CDCA7L: variants seen among roughly 807,000 people sequenced by gnomAD.
The protein encoded by CDCA7L is cell division cycle-associated 7-like protein.
Under a neutral mutation model 57.4 loss-of-function variants are expected in CDCA7L, and 44 were observed. The ratio of observed to expected loss-of-function variants is 0.77; its 90% CI spans 0.60 to 0.98. CDCA7L has a LOEUF of 0.98. Among genes scored for constraint, CDCA7L ranks in the 50% least tolerant of loss-of-function variants. CDCA7L has a pLI of 0.00. For synonymous variants in CDCA7L, 236 were observed against 202.8 expected (o/e 1.16, Z -1.39); for missense variants, 644 against 580.6 (o/e 1.11, Z -1.12).
Position 21,901,379 on chromosome 7 carries a change from C to T in CDCA7L, c.*943G>A, listed in dbSNP as rs188115808. On this transcript the variant is annotated 3_prime_UTR_variant, in exon 10 of 10. Transcript: ENST00000406877. ...ACTCACACGTGCATTCTTTTTTCAA[C>T]GCTATCCTTAGAGTGAAAGTCAGAA... 1.1e-3 allele frequency: 1,492 copies of T among 1,303,186 alleles called. 9 individuals carry two copies. In the African/African-American group the frequency reaches 0.013, roughly 12 times the overall value. The allele number at this position is 1,303,186 out of a possible 1,614,324, so 80.7% of individuals were successfully genotyped here.
rs138945257 is a variant in CDCA7L at position 21,901,049 on chromosome 7, G to C, written c.*1273C>G. On this transcript the variant is annotated 3_prime_UTR_variant, in exon 10 of 10. Coordinates refer to ENST00000406877, the MANE Select transcript of CDCA7L (RefSeq NM_018719.5). The stretch of plus-strand genomic sequence containing the variant: ...CAAGCAGGAACCATTGTTGAAGCCC[G>C]TCTCAAGGAGCTGGCATGCCCTATG... The C allele has an allele frequency of 1.3e-5, 21 of 1,613,042 alleles. No individual in the cohort carries two copies. Among genetic ancestry groups the C allele is most frequent in the Non-Finnish European group, 1.7e-5 (20 of 1,179,514 alleles).
intron 1 of CDCA7L, among the ~76,000 whole-genome samples, chr7:21,922,058 T>G (rs186187839): frequency 5.9e-5 from 9 of 152,318 alleles, no homozygotes; most frequent in African/African-American, 1.2e-4. Context: ...TTTACATGCA[T>G]CTGACTTTGT....
At chr7:21,926,799 C>T (rs10950883) in intron 1 of CDCA7L, among the ~76,000 whole-genome samples, 4 of 151,984 alleles carry the variant, frequency 2.6e-5, no homozygotes, top group Non-Finnish European at 4.4e-5. Context: ...CTTAAGCCTG[C>T]GAGTTTGAGG....
intron 1 of CDCA7L, among the ~76,000 whole-genome samples, chr7:21,935,391 C>T (rs1786131095): frequency 6.6e-6 from 1 of 151,940 alleles, no homozygotes; most frequent in South Asian, 2.1e-4. Context: ...GCAAAAGGCA[C>T]TGCTAAGAGG....
Position 21,901,628 on chromosome 7 carries a change from C to CCGGAAAGAACGGAGATTT in CDCA7L, c.*676_*693dup, listed in dbSNP as rs1784865028. ...ATGTGAACATGCAAAAGCAATGCAG[C>CCGGAAAGAACGGAGATTT]CGGAAAGAACGGAGATTTTAATTTT... is the stretch of plus-strand genomic sequence containing the variant. On this transcript the variant is annotated 3_prime_UTR_variant, in exon 10 of 10. Coordinates refer to ENST00000406877, the MANE Select transcript of CDCA7L (RefSeq NM_018719.5). 6.2e-6 allele frequency: 1 copy of CCGGAAAGAACGGAGATTT among 160,432 alleles called. No homozygotes were observed. The highest frequency in any genetic ancestry group is 2.0e-4 in the South Asian group (1 of 5,008). 9.9% of individuals were successfully genotyped at this position (160,432 alleles called of 1,614,324 possible).
intron 1 of CDCA7L, 152 bp downstream of exon 1, chr7:21,945,629 C>A (rs1786501356): frequency 4.4e-6 from 4 of 908,662 alleles, no homozygotes; most frequent in Non-Finnish European, 5.0e-6. Context: ...CTGCAGGGCG[C>A]GCCCACTCCG....
chr7:21,916,057 T>C (rs901495275), intron 2 of CDCA7L, among the ~76,000 whole-genome samples: 2 of 152,092 alleles, frequency 1.3e-5, no homozygotes, highest in Non-Finnish European at 2.9e-5. Context: ...TACATATAAT[T>C]AACTGCTTCC....
intron 8 of CDCA7L, among the ~76,000 whole-genome samples, chr7:21,903,356 C>G (rs139776369): frequency 4.8e-4 from 73 of 152,284 alleles, no homozygotes; most frequent in African/African-American, 1.7e-3. Context: ...GAGATTTTCA[C>G]AAGCATTTGG....
intron 1 of CDCA7L, among the ~76,000 whole-genome samples, chr7:21,942,654 C>A (rs1206024850): frequency 6.6e-6 from 1 of 152,032 alleles, no homozygotes; most frequent in Non-Finnish European, 1.5e-5. Context: ...TGTTTTAGGC[C>A]ACAATTATCT....
chr7:21,904,968 T>C (rs776812530), intron 7 of CDCA7L, among the ~76,000 whole-genome samples: 7 of 152,200 alleles, frequency 4.6e-5, no homozygotes, highest in Non-Finnish European at 8.8e-5. Context: ...AGCCTAGCTC[T>C]GCAGACCTGG....
intron 1 of CDCA7L, 42 bp downstream of exon 1, chr7:21,945,739 C>T (rs1786504573): frequency 1.2e-6 from 2 of 1,601,020 alleles, no homozygotes; most frequent in Admixed American, 1.7e-5. Flanking sequence ...GGAAGTCAAA[C>T]TGTGGGTGCG....
chr7:21,915,129 G>C (rs1249227567), intron 2 of CDCA7L, among the ~76,000 whole-genome samples: 1 of 152,118 alleles, frequency 6.6e-6, no homozygotes, highest in East Asian at 1.9e-4. Flanking sequence ...GGCTACGGCA[G>C]CTGCAGAGGG....
At chr7:21,943,713 T>G (rs1459393460) in intron 1 of CDCA7L, among the ~76,000 whole-genome samples, 2 of 151,548 alleles carry the variant, frequency 1.3e-5, no homozygotes, top group Admixed American at 6.6e-5. Context: ...CACTGCCAAT[T>G]AGGTCTTCAG....
chr7:21,902,217 C>CTGTATAAAAACACAACT lies in CDCA7L; in HGVS notation c.*88_*104dup. 1 of 1,031,080 alleles carries CTGTATAAAAACACAACT rather than the reference C, an allele frequency of 9.7e-7. No homozygotes were observed. Among genetic ancestry groups the CTGTATAAAAACACAACT allele is most frequent in the Non-Finnish European group, 1.5e-6 (1 of 668,278 alleles). The allele number at this position is 1,031,080 out of a possible 1,614,324, so 63.9% of individuals were successfully genotyped here. A position where few individuals can be genotyped will look rare whatever the true frequency, so the allele number is the denominator to read the frequency against. ...AAATAGTAATTTCTACAAAGAATTT[C>CTGTATAAAAACACAACT]TGTATAAAAACACAACTGTAAAAAA... On this transcript the variant is annotated 3_prime_UTR_variant, in exon 10 of 10. Coordinates refer to ENST00000406877, the MANE Select transcript of CDCA7L (RefSeq NM_018719.5).
chr7:21,908,535 CAA>C (rs1428405681), intron 3 of CDCA7L, 28 bp from the exon 4 acceptor site: 2 of 1,494,872 alleles, frequency 1.3e-6, no homozygotes, highest in Non-Finnish European at 8.9e-7. Flanking sequence ...AGAAAAAGCA[CAA>C]AGACACTGTT....
intron 1 of CDCA7L, among the ~76,000 whole-genome samples, chr7:21,926,296 CTG>C (rs965436547): frequency 1.2e-4 from 18 of 152,186 alleles, no homozygotes; most frequent in African/African-American, 4.3e-4. Context: ...AAATAATAAA[CTG>C]GAATTCATCA....
chr7:21,902,353 C>T lies in CDCA7L; in HGVS notation c.1335-1G>A. On this transcript the variant is annotated splice_acceptor_variant, in intron 9 of 9. Coordinates refer to ENST00000406877, the MANE Select transcript of CDCA7L (RefSeq NM_018719.5). LOFTEE classifies it high-confidence loss of function. ...GTCTTCTACCAGCTCCTTTTGTAAGCTGGGAAAAAGATGAGAAGTATTTGG... is the reference window on the plus strand; with the variant it reads ...GTCTTCTACCAGCTCCTTTTGTAAGTTGGGAAAAAGATGAGAAGTATTTGG... 1 of 1,613,716 alleles carries T rather than the reference C, an allele frequency of 6.2e-7. No homozygotes were observed. The highest frequency in any genetic ancestry group is 8.5e-7 in the Non-Finnish European group (1 of 1,179,768).
rs370892365 is a variant in CDCA7L, at chr7:21,942,968, A to T, written c.24+2813T>A. Among the ~76,000 whole-genome samples, 21 of 152,276 alleles carry T rather than the reference A, an allele frequency of 1.4e-4. 1 individual carries two copies. The South Asian group carries it at 2.5e-3, about 18-fold the overall frequency. ...AGCGTGCTCCTGCCTATTTACAAGAACATTTAGCATCATTTCCTTCTCAAA... is the reference window on the plus strand; with the variant it reads ...AGCGTGCTCCTGCCTATTTACAAGATCATTTAGCATCATTTCCTTCTCAAA... On this transcript the variant is annotated intron_variant, in intron 1 of 9. Coordinates refer to ENST00000406877, the MANE Select transcript of CDCA7L (RefSeq NM_018719.5).
chr7:21,933,792 A>C (rs1049200544), intron 1 of CDCA7L, among the ~76,000 whole-genome samples: 3 of 144,330 alleles, frequency 2.1e-5, no homozygotes, highest in South Asian at 4.7e-4. Flanking sequence ...CCCAGAACTT[A>C]AAGTATAAAA....
Sources: allele counts gnomAD v4.1 joint callset (sites outside exome capture counted in the v4.1 genomes callset), GRCh38; gene constraint gnomAD v4.1.1; transcripts MANE v1.5; gene names NCBI Gene and HGNC (gene_info 2026-07-23, HGNC 2026-07-21).